PDZRN3: variants seen among roughly 807,000 people sequenced by gnomAD.
The protein encoded by PDZRN3 is PDZ domain containing ring finger 3, also known as E3 ubiquitin-protein ligase PDZRN3.
Under a neutral mutation model 85.7 loss-of-function variants are expected in PDZRN3, and 38 were observed. That is an observed-to-expected ratio of 0.44 (90% CI 0.34 to 0.58). The LOEUF (loss-of-function observed/expected upper bound fraction) is 0.58. PDZRN3 is among the 20% of genes least tolerant of loss of function. The pLI, the probability that PDZRN3 is intolerant of heterozygous loss-of-function variation, is 0.01. For synonymous variants in PDZRN3, 759 were observed against 638.0 expected (o/e 1.19, Z -2.86); for missense variants, 1,629 against 1,506.4 (o/e 1.08, Z -1.35).
chr3:73,391,037 A>G lies in PDZRN3; in HGVS notation c.1334T>C (p.Ile445Thr), dbSNP rs778153584. ...TTGTACCTCACTGATATAAATCCCA[A>G]TGTCGTCTTCATCGTCCGTCCGGTA... ...VCYRTDDEDD[I>T]GIYISEIDPN... Residue 445 changes from isoleucine (I) to threonine (T), a missense_variant, in exon 6 of 10, where the codon ATT (isoleucine) becomes ACT (threonine). Transcript: ENST00000263666. The G allele has an allele frequency of 5.0e-6, 8 of 1,612,558 alleles. No homozygotes were observed. The South Asian group carries it at 5.5e-5, about 11-fold the overall frequency.
intron 3 of PDZRN3, among the ~76,000 whole-genome samples, chr3:73,454,488 T>G (rs915287112): frequency 6.6e-6 from 1 of 152,156 alleles, no homozygotes; most frequent in South Asian, 2.1e-4. Flanking sequence ...CGTCCAAGAG[T>G]TCCTGATACC....
intron 3 of PDZRN3, among the ~76,000 whole-genome samples, chr3:73,498,080 C>G (rs1703902515): frequency 6.6e-6 from 1 of 152,214 alleles, no homozygotes; most frequent in Admixed American, 6.5e-5. Context: ...GGTAAGGCCA[C>G]AAATCCTGGT....
intron 3 of PDZRN3, among the ~76,000 whole-genome samples, chr3:73,522,646 TG>T (rs1704397679): frequency 6.6e-6 from 1 of 152,216 alleles, no homozygotes; most frequent in Non-Finnish European, 1.5e-5. Context: ...TTTTCCTCTT[TG>T]TTTTTGGAGG....
chr3:73,398,634 C>CT (rs1699841834), intron 5 of PDZRN3, among the ~76,000 whole-genome samples: 1 of 152,212 alleles, frequency 6.6e-6, no homozygotes, highest in Non-Finnish European at 1.5e-5. Context: ...CTCTCAGGTG[C>CT]TTCATGCTTT....
Position 73,514,527 on chromosome 3 carries a change from A to C in PDZRN3, c.918+87827T>G, listed in dbSNP as rs1704222979. On this transcript the variant is annotated intron_variant, in intron 3 of 9. Coordinates refer to ENST00000263666, the MANE Select transcript of PDZRN3 (RefSeq NM_015009.3). The stretch of plus-strand genomic sequence containing the variant: ...CTTGATTTGGGCTTTAAGGGCCATG[A>C]ATACACAAATATACTTAAATTCCTA... 2.0e-5 allele frequency among the ~76,000 whole-genome samples: 3 copies of C among 152,220 alleles called. No individual in the cohort carries two copies. The South Asian group carries it at 6.2e-4, about 32-fold the overall frequency.
chr3:73,554,807 A>C (rs1287151260), intron 3 of PDZRN3, among the ~76,000 whole-genome samples: 2 of 152,248 alleles, frequency 1.3e-5, no homozygotes, highest in Non-Finnish European at 1.5e-5. Context: ...GTCCATGATG[A>C]TCAAACTACC....
intron 1 of PDZRN3, among the ~76,000 whole-genome samples, chr3:73,617,422 A>C (rs1186183305): frequency 1.3e-5 from 2 of 152,178 alleles, no homozygotes; most frequent in African/African-American, 4.8e-5. Context: ...CATGGCATAA[A>C]AGCTTGGGTG....
At chr3:73,388,919 A>C (rs1461431852) in intron 7 of PDZRN3, among the ~76,000 whole-genome samples, 1 of 109,272 alleles carries the variant, frequency 9.2e-6, no homozygotes, top group Non-Finnish European at 1.8e-5. Context: ...TTAATGGAAA[A>C]CTCCAGCAAT....
chr3:73,452,324 A>C (rs560908532), intron 3 of PDZRN3, among the ~76,000 whole-genome samples: 15 of 152,334 alleles, frequency 9.8e-5, no homozygotes, highest in African/African-American at 3.6e-4. Context: ...ATGGATTTAG[A>C]CTTGAGCCAC....
Position 73,389,821 on chromosome 3 carries a change from T to G in PDZRN3, c.1411A>C (p.Ile471Leu). 1.2e-6 allele frequency: 2 copies of G among 1,612,084 alleles called. No homozygotes were observed. Among genetic ancestry groups the G allele is most frequent in the Non-Finnish European group, 1.7e-6 (2 of 1,178,124 alleles). ...TTGTTTGGAAGTGGACTTACCTGGA[T>G]AATGCGGTCTCCTTCTCGGATGCGC... ...DGRIREGDRIIQINGIEVQNR... is the reference protein window; with the variant it reads ...DGRIREGDRILQINGIEVQNR... The change falls in exon 7 of 10, where the codon ATC becomes CTC. Residue 471 changes from isoleucine (I) to leucine (L), a missense_variant. By Grantham distance (5) the Ile-to-Leu change is conservative. Transcript: ENST00000263666.
At chr3:73,551,962 G>A (rs561668583) in intron 3 of PDZRN3, among the ~76,000 whole-genome samples, 1 of 152,278 alleles carries the variant, frequency 6.6e-6, no homozygotes, top group South Asian at 2.1e-4. Context: ...ACACTGCTAG[G>A]CAGTGGCTGA....
intron 9 of PDZRN3, 91 bp from the exon 10 acceptor site, chr3:73,385,021 G>A (rs1383698857): frequency 1.4e-6 from 2 of 1,444,912 alleles, no homozygotes; most frequent in African/African-American, 1.4e-5. Flanking sequence ...TCTGGATAGG[G>A]CAGGCTGTAC....
intron 3 of PDZRN3, among the ~76,000 whole-genome samples, chr3:73,575,766 CT>C (rs1348048731): frequency 6.6e-6 from 1 of 152,202 alleles, no homozygotes; most frequent in Non-Finnish European, 1.5e-5. Flanking sequence ...CTGTATGCCT[CT>C]GTTTTCTCAT....
intron 3 of PDZRN3, among the ~76,000 whole-genome samples, chr3:73,503,929 C>T (rs1704025822): frequency 2.0e-5 from 3 of 152,136 alleles, no homozygotes; most frequent in Admixed American, 2.0e-4. Flanking sequence ...ATCATGCAGT[C>T]GACTTCTGCA....
chr3:73,512,929 C>A (rs1704193851), intron 3 of PDZRN3, among the ~76,000 whole-genome samples: 1 of 152,178 alleles, frequency 6.6e-6, no homozygotes, highest in Non-Finnish European at 1.5e-5. Flanking sequence ...TTCTACCATA[C>A]ACATGGACTT....
intron 3 of PDZRN3, among the ~76,000 whole-genome samples, chr3:73,438,918 G>A (rs1702581537): frequency 6.6e-6 from 1 of 152,082 alleles, no homozygotes; most frequent in African/African-American, 2.4e-5. Flanking sequence ...AATGAACTGG[G>A]TCAGGTTCCT....
chr3:73,563,273 G>T (rs1701873633), intron 3 of PDZRN3, among the ~76,000 whole-genome samples: 1 of 150,932 alleles, frequency 6.6e-6, no homozygotes, highest in Admixed American at 6.6e-5. Flanking sequence ...CTGACCTCGT[G>T]ATCCGCCCGC....
At chr3:73,390,656 A>T (rs76223002) in intron 6 of PDZRN3, among the ~76,000 whole-genome samples, 7,790 of 75,684 alleles carry the variant, frequency 0.1, 610 homozygotes, top group African/African-American at 0.31. Flanking sequence ...TGTGTGTGTG[A>T]GAGAGAGAGA....
intron 1 of PDZRN3, among the ~76,000 whole-genome samples, chr3:73,613,890 G>A (rs72893825): frequency 0.063 from 9,614 of 152,028 alleles, 1,012 homozygotes; most frequent in African/African-American, 0.22. Flanking sequence ...TGCAACACAG[G>A]ATCTCCCTGG....
Sources: gnomAD v4.1 joint callset for allele counts (sites outside exome capture counted in the v4.1 genomes callset) on GRCh38, gnomAD v4.1.1 for gene constraint, MANE v1.5 for transcripts, NCBI Gene and HGNC (gene_info 2026-07-23, HGNC 2026-07-21) for gene names.